Variants in TMEM143 observed in about 807,000 individuals in gnomAD.
TMEM143 encodes the protein transmembrane protein 143.
Under a neutral mutation model 40.3 loss-of-function variants are expected in TMEM143, and 45 were observed. The ratio of observed to expected loss-of-function variants is 1.12; its 90% confidence interval spans 0.88 to 1.43. TMEM143 has a LOEUF of 1.43. Among genes scored for constraint, TMEM143 ranks in the 40% most tolerant of loss-of-function variants. TMEM143 has a pLI of 0.00. For synonymous variants in TMEM143, 299 were observed against 282.7 expected (o/e 1.06, Z -0.58); for missense variants, 620 against 613.4 (o/e 1.01, Z -0.11).
chr19:48,345,062 G>C (rs1460551362), intron 4 of TMEM143, 98 bp downstream of exon 4: 6 of 1,326,616 alleles, frequency 4.5e-6, no homozygotes, highest in Non-Finnish European at 5.2e-6. Flanking sequence ...CACAGTCCCA[G>C]GCTCAGGACT....
intron 3 of TMEM143, among the ~76,000 whole-genome samples, chr19:48,351,238 T>C (rs1969767124): frequency 6.6e-6 from 1 of 152,134 alleles, no homozygotes; most frequent in East Asian, 1.9e-4. Context: ...ACTCCATCCT[T>C]CCAGGTGCTC....
At chr19:48,334,504 C>A (rs1320833838) in intron 6 of TMEM143, among the ~76,000 whole-genome samples, 1 of 111,696 alleles carries the variant, frequency 9.0e-6, no homozygotes, top group Non-Finnish European at 1.9e-5. Flanking sequence ...TTCGTTCTTT[C>A]TTTCTTTTCT....
In TMEM143 at chr19:48,363,300, G is replaced by T; in HGVS notation, c.255C>A (p.Leu85=). 6.2e-7 allele frequency: 1 copy of T among 1,613,866 alleles called. No individual in the cohort carries two copies. The change falls in exon 2 of 8, where the codon CTC becomes CTA. Residue 85 remains leucine, a synonymous_variant. Transcript: ENST00000293261. ...CTGGGACAGGCGGTACCTGTATTAG[G>T]AGGCGGAGCAGCTGCTCCTTGGAGA... The part of the protein sequence containing the change: ...IPFSKEQLLR[L]LIQEFHSSPA...
chr19:48,354,115 C>T (rs1482758356), intron 3 of TMEM143, among the ~76,000 whole-genome samples: 3 of 151,702 alleles, frequency 2.0e-5, no homozygotes, highest in Non-Finnish European at 2.9e-5. Context: ...TGTGCCACCA[C>T]ACCCAGCTAA....
At chr19:48,355,299 C>G (rs976369851) in intron 3 of TMEM143, among the ~76,000 whole-genome samples, 6 of 151,878 alleles carry the variant, frequency 4.0e-5, no homozygotes, top group African/African-American at 1.5e-4. Flanking sequence ...CCAAAGTGCT[C>G]AGATCACAGA....
intron 6 of TMEM143, among the ~76,000 whole-genome samples, chr19:48,334,418 CTTTCTTTCTT>C (rs1969299336): frequency 7.4e-5 from 1 of 13,476 alleles, no homozygotes; most frequent in Admixed American, 6.2e-4. Context: ...CTTTTTCTCT[CTTTCTTTCTT>C]TCTTTCTTTC....
At chr19:48,341,932 A>G (rs548569238) in intron 6 of TMEM143, among the ~76,000 whole-genome samples, 61 of 151,976 alleles carry the variant, frequency 4.0e-4, no homozygotes, top group Admixed American at 1.6e-3. Flanking sequence ...CAACCCTACA[A>G]GGCAGATCTC....
intron 3 of TMEM143, among the ~76,000 whole-genome samples, chr19:48,346,346 C>A (rs2147369720): frequency 6.6e-6 from 1 of 151,792 alleles, no homozygotes; most frequent in African/African-American, 2.4e-5. Flanking sequence ...ACCACCTCGG[C>A]CTCCCAAAGT....
chr19:48,345,102 G>A, intron 4 of TMEM143, 58 bp downstream of exon 4: 1 of 1,569,748 alleles, frequency 6.4e-7, no homozygotes, highest in Admixed American at 1.8e-5. Context: ...GCCTCTCAGA[G>A]GCTCTGCCCC....
intron 3 of TMEM143, among the ~76,000 whole-genome samples, chr19:48,356,884 G>A (rs951880878): frequency 2.3e-5 from 3 of 131,908 alleles, no homozygotes; most frequent in Non-Finnish European, 3.1e-5. Context: ...GTGAGCCACA[G>A]CACCTGGCCT....
At position 48,333,201 on chromosome 19, in the gene TMEM143, C is replaced by A. The variant is rs1457976808; in HGVS notation, c.*18G>T. On this transcript the variant is annotated 3_prime_UTR_variant, in exon 8 of 8. Coordinates refer to ENST00000293261, the MANE Select transcript of TMEM143 (RefSeq NM_018273.4). The surrounding 1 kb of genome is among the most constrained non-coding windows in gnomAD (Gnocchi z 4.1). ...CTTAGTTCCTAGCCTGCTGACTGGG[C>A]AGGGAGGTAGGTTCTACTCAGGAGA... 6.3e-6 allele frequency: 9 copies of A among 1,426,804 alleles called. No individual in the cohort carries two copies. The East Asian group carries it at 2.0e-4, about 32-fold the overall frequency. The allele number at this position is 1,426,804 out of a possible 1,614,324, so 88.4% of individuals were successfully genotyped here. A position where few individuals can be genotyped will look rare whatever the true frequency, so the allele number is the denominator to read the frequency against.
chr19:48,347,719 G>A (rs1969670164), intron 3 of TMEM143, among the ~76,000 whole-genome samples: 1 of 151,566 alleles, frequency 6.6e-6, no homozygotes, highest in Non-Finnish European at 1.5e-5. Flanking sequence ...ACCATGCCTG[G>A]CTAATTTTTT....
chr19:48,356,069 C>T (rs1969883744), intron 3 of TMEM143, among the ~76,000 whole-genome samples: 1 of 152,056 alleles, frequency 6.6e-6, no homozygotes, highest in South Asian at 2.1e-4. Context: ...CAGCTGGACG[C>T]TCACGCCTGG....
rs751977414 is a variant in TMEM143 at position 48,343,327 on chromosome 19, G to C, written c.689C>G (p.Ala230Gly). ...GGAACAAGGGCCGCCTCACCTCTCC[G>C]CAGGGGGCAGCTTGGTGAAGAAGCC... Reference protein sequence around the residue: ...RRGFFTKLPPAERRYFKRVVL... With the variant: ...RRGFFTKLPPGERRYFKRVVL... The change falls in exon 5 of 8, where the codon GCG (alanine) becomes GGG (glycine). Residue 230 changes from alanine to glycine, a missense_variant. By Grantham distance (60) the Ala-to-Gly change is moderately conservative. Coordinates refer to ENST00000293261, the MANE Select transcript of TMEM143 (RefSeq NM_018273.4). 2 of 1,610,284 alleles carry C rather than the reference G, an allele frequency of 1.2e-6. No homozygotes were observed. The highest frequency in any genetic ancestry group is 1.7e-6 in the Non-Finnish European group (2 of 1,179,120).
intron 3 of TMEM143, among the ~76,000 whole-genome samples, chr19:48,359,459 G>A (rs1336146183): frequency 6.7e-6 from 1 of 149,182 alleles, no homozygotes; most frequent in Non-Finnish European, 1.5e-5. Flanking sequence ...TCCTTGGGGA[G>A]CCCTTCCCCA....
intron 3 of TMEM143, among the ~76,000 whole-genome samples, chr19:48,355,163 T>C (rs1329328078): frequency 6.6e-6 from 1 of 151,838 alleles, no homozygotes; most frequent in Non-Finnish European, 1.5e-5. Flanking sequence ...GCTTCCTGAG[T>C]AGCTGGGACT....
Position 48,334,223 on chromosome 19 carries a change from G to A in TMEM143, c.976-26C>T, listed in dbSNP as rs1969290474. 6 of 1,566,984 alleles carry A rather than the reference G, an allele frequency of 3.8e-6. No individual in the cohort carries two copies. The Admixed American group carries it at 5.4e-5, about 14-fold the overall frequency. On this transcript the variant is annotated intron_variant, in intron 6 of 7. Coordinates refer to ENST00000293261, the MANE Select transcript of TMEM143 (RefSeq NM_018273.4). ...CTGCAGGCGGGACAGCGCCCCGTGG[G>A]CTCAGTTCGGGGTGCGCCCCCACCC...
chr19:48,362,025 T>C (rs1376133483), intron 2 of TMEM143, among the ~76,000 whole-genome samples: 1 of 152,236 alleles, frequency 6.6e-6, no homozygotes, highest in African/African-American at 2.4e-5. Flanking sequence ...TTTATGTGTG[T>C]ATATTTGTGT....
chr19:48,351,210 C>T (rs1387616793), intron 3 of TMEM143, among the ~76,000 whole-genome samples: 3 of 152,156 alleles, frequency 2.0e-5, no homozygotes, highest in East Asian at 3.9e-4. Flanking sequence ...CAGCCTTGTC[C>T]CCATCTCAAA....
Sources: gnomAD v4.1 joint callset for allele counts (sites outside exome capture counted in the v4.1 genomes callset) on GRCh38, gnomAD v4.1.1 for gene constraint, Gnocchi (gnomAD v3.1) non-coding constraint, MANE v1.5 for transcripts, NCBI Gene and HGNC (gene_info 2026-07-23, HGNC 2026-07-21) for gene names.